NRXN3: variants seen among roughly 807,000 people sequenced by gnomAD.
NRXN3 encodes neurexin 3, also known as neurexin III.
Under a neutral mutation model 137.6 loss-of-function variants are expected in NRXN3, and 32 were observed. The observed-to-expected ratio is 0.23, with a 90% confidence interval of 0.18 to 0.31. The LOEUF (loss-of-function observed/expected upper bound fraction) is 0.31. NRXN3 is among the 10% of genes least tolerant of loss of function. The pLI is 1.00. For missense variants in NRXN3, 1,574 were observed against 2,062.5 expected, an observed-to-expected ratio of 0.76 and a Z score of 4.59; for synonymous variants, 798 against 784.5, an observed-to-expected ratio of 1.02 and a Z score of -0.29.
At chr14:79,056,399 T>G (rs564739237) in intron 15 of NRXN3, among the ~76,000 whole-genome samples, 1 of 152,338 alleles carries the variant, frequency 6.6e-6, no homozygotes, top group Admixed American at 6.5e-5. Flanking sequence ...GTGCATTTTT[T>G]TTTTCATTCA....
intron 4 of NRXN3, among the ~76,000 whole-genome samples, chr14:78,424,307 G>T (rs925057416): frequency 2.0e-5 from 3 of 152,142 alleles, no homozygotes; most frequent in African/African-American, 7.2e-5. Flanking sequence ...TTCTGAATTT[G>T]CATCCAATGC....
At chr14:78,897,065 A>G (rs1225846228) in intron 10 of NRXN3, among the ~76,000 whole-genome samples, 2 of 151,944 alleles carry the variant, frequency 1.3e-5, no homozygotes, top group African/African-American at 2.4e-5. Flanking sequence ...GGCTGCTTTC[A>G]TGCTACAATG....
chr14:78,409,061 C>CT (rs2092675030), intron 4 of NRXN3, among the ~76,000 whole-genome samples: 3 of 152,194 alleles, frequency 2.0e-5, no homozygotes, highest in Admixed American at 2.0e-4. Flanking sequence ...CTTTGCAGAA[C>CT]CCCTGCCAAG....
At chr14:79,015,820 A>G (rs2099578274) in intron 15 of NRXN3, among the ~76,000 whole-genome samples, 1 of 152,106 alleles carries the variant, frequency 6.6e-6, no homozygotes, top group African/African-American at 2.4e-5. Flanking sequence ...CAGCAGGGAG[A>G]TGTTTCCTTA....
intron 1 of NRXN3, among the ~76,000 whole-genome samples, chr14:78,171,603 C>T (rs1021532981): frequency 1.3e-5 from 2 of 152,042 alleles, no homozygotes; most frequent in Non-Finnish European, 2.9e-5. Context: ...CAAAACTTAA[C>T]TGCTTTAGAA....
intron 15 of NRXN3, among the ~76,000 whole-genome samples, chr14:79,049,536 C>G (rs553413752): frequency 4.6e-5 from 7 of 152,124 alleles, no homozygotes; most frequent in Non-Finnish European, 8.8e-5. Context: ...TCCAAACTCC[C>G]GTGAATGTTG....
chr14:79,199,163 TAA>T lies in NRXN3; in HGVS notation c.3262+211035_3262+211036del, dbSNP rs71131684. Among the ~76,000 whole-genome samples, 415 of 146,682 alleles carry T rather than the reference TAA, an allele frequency of 2.8e-3. 1 individual carries two copies. The highest frequency in any genetic ancestry group is 2.7e-3 in the Non-Finnish European group (177 of 66,500). On this transcript the variant is annotated intron_variant, in intron 15 of 20. Transcript: ENST00000335750. ...GCCTGGGCGACAGTGAGACTGCGTC[TAA>T]AAAAAAAAAAAAGCAAAACCTTGGG... is the stretch of plus-strand genomic sequence containing the variant.
intron 1 of NRXN3, among the ~76,000 whole-genome samples, chr14:78,175,542 G>T (rs748379150): frequency 6.6e-6 from 1 of 152,174 alleles, no homozygotes; most frequent in Non-Finnish European, 1.5e-5. Context: ...GCTGTGGTCC[G>T]GTTCCTGCTG....
intron 16 of NRXN3, among the ~76,000 whole-genome samples, chr14:79,530,504 G>C (rs753338052): frequency 1.3e-5 from 2 of 151,706 alleles, no homozygotes; most frequent in African/African-American, 2.4e-5. Context: ...AATGTTTTCT[G>C]TACCATCTCT....
At chr14:78,728,325 T>G (rs2098496979) in intron 8 of NRXN3, among the ~76,000 whole-genome samples, 1 of 152,174 alleles carries the variant, frequency 6.6e-6, no homozygotes, top group Non-Finnish European at 1.5e-5. Flanking sequence ...GAAAATCTCA[T>G]TATCCAAACC....
rs774467995 is a variant in NRXN3 at position 78,968,238 on chromosome 14, C to T, written c.3034C>T (p.Arg1012Ter). The T allele has an allele frequency of 6.2e-7, 1 of 1,614,070 alleles. No individual in the cohort carries two copies. The highest frequency in any genetic ancestry group is 8.5e-7 in the Non-Finnish European group (1 of 1,179,970). ...CAACCTCCCAAAGCTCGTGGCCTCT[C>T]GAGATGGCTTTCAGGGCTGTCTAGC... ...YSNLPKLVAS[R>*]DGFQGCLASV... The change falls in exon 14 of 21, where the codon CGA (arginine) becomes TGA (stop). Residue 1012 changes from arginine to a stop codon, truncating the protein, a stop_gained. Transcript: ENST00000335750. LOFTEE classifies it high-confidence loss of function.
At chr14:79,738,750 G>T (rs549645269) in intron 19 of NRXN3, among the ~76,000 whole-genome samples, 23 of 152,080 alleles carry the variant, frequency 1.5e-4, no homozygotes, top group African/African-American at 5.1e-4. Flanking sequence ...ATAGAGACAG[G>T]GTTTCACCAT....
At chr14:79,753,360 C>T (rs1568120048) in intron 19 of NRXN3, among the ~76,000 whole-genome samples, 2 of 151,836 alleles carry the variant, frequency 1.3e-5, no homozygotes, top group Admixed American at 6.6e-5. Flanking sequence ...GAAAATGTGG[C>T]ACATATATAC....
chr14:78,675,899 T>C (rs2097999516), intron 6 of NRXN3, among the ~76,000 whole-genome samples: 1 of 145,954 alleles, frequency 6.9e-6, no homozygotes, highest in South Asian at 2.3e-4. Context: ...TTGGTAATTC[T>C]TGAAACTTAT....
At chr14:79,429,590 A>G (rs1435332830) in intron 15 of NRXN3, among the ~76,000 whole-genome samples, 1 of 152,314 alleles carries the variant, frequency 6.6e-6, no homozygotes, top group East Asian at 1.9e-4. Context: ...AGCTCAATAG[A>G]TATTGCTCCA....
intron 20 of NRXN3, among the ~76,000 whole-genome samples, chr14:79,848,916 G>T (rs1373382727): frequency 6.6e-6 from 1 of 152,096 alleles, no homozygotes; most frequent in African/African-American, 2.4e-5. Flanking sequence ...GACACTTTGG[G>T]TTCAGAAGAG....
chr14:79,643,224 T>G (rs1278853410), intron 16 of NRXN3, among the ~76,000 whole-genome samples: 2 of 135,772 alleles, frequency 1.5e-5, no homozygotes, highest in Admixed American at 1.5e-4. Context: ...TCCAATAGTG[T>G]TTTTTAAAAT....
At chr14:78,175,017 C>T (rs1234779315) in intron 1 of NRXN3, among the ~76,000 whole-genome samples, 5 of 152,196 alleles carry the variant, frequency 3.3e-5, no homozygotes, top group Non-Finnish European at 7.3e-5. Context: ...TTGTTGGAGG[C>T]TGCAGCCTGA....
intron 8 of NRXN3, among the ~76,000 whole-genome samples, chr14:78,721,848 T>C (rs1425084097): frequency 6.6e-6 from 1 of 152,134 alleles, no homozygotes; most frequent in Non-Finnish European, 1.5e-5. Flanking sequence ...TCTCCTTTTT[T>C]TTTTGTTTGT....
Sources: allele counts gnomAD v4.1 joint callset (sites outside exome capture counted in the v4.1 genomes callset), GRCh38; gene constraint gnomAD v4.1.1; transcripts MANE v1.5; gene names NCBI Gene and HGNC (gene_info 2026-07-23, HGNC 2026-07-21).